CALD1: variants seen among roughly 807,000 people sequenced by gnomAD.
CALD1 encodes caldesmon 1.
A neutral mutation model predicts 99.9 loss-of-function variants in CALD1; 33 were observed. The observed-to-expected ratio is 0.33, with a 90% CI of 0.25 to 0.44. The LOEUF (loss-of-function observed/expected upper bound fraction) is 0.44, where lower values mean the gene tolerates loss of function less well. Ranked by LOEUF, CALD1 falls within the 20% of genes least tolerant of loss-of-function variation. CALD1 has a pLI of 1.00. For missense variants in CALD1, 861 were observed against 962.1 expected, an observed-to-expected ratio of 0.89 and a Z score of 1.39; for synonymous variants, 310 against 325.0, an observed-to-expected ratio of 0.95 and a Z score of 0.50.
At chr7:134,959,848 C>G in intron 11 of CALD1, 126 bp from the exon 12 acceptor site, 1 of 916,400 alleles carries the variant, frequency 1.1e-6, no homozygotes, top group East Asian at 2.5e-5. Flanking sequence ...TTATCACTCT[C>G]ATTTTTGGTG....
intron 7 of CALD1, among the ~76,000 whole-genome samples, chr7:134,946,666 C>T (rs1185159308): frequency 6.6e-6 from 1 of 151,370 alleles, no homozygotes; most frequent in Non-Finnish European, 1.5e-5. Context: ...ACAAGATCTC[C>T]TTCCTTTTTT....
At chr7:134,721,832 G>T in the CALD1 span, among the ~76,000 whole-genome samples, 1 of 152,160 alleles carries the variant, frequency 6.6e-6, no homozygotes, top group African/African-American at 2.4e-5. Context: ...GTCAGTACTT[G>T]AAGAATATTT....
At chr7:134,925,090 T>C (rs1426093857) in intron 3 of CALD1, among the ~76,000 whole-genome samples, 1 of 152,218 alleles carries the variant, frequency 6.6e-6, no homozygotes, top group Non-Finnish European at 1.5e-5. Flanking sequence ...AACGGACTAA[T>C]ACACTCTAGT....
intron 7 of CALD1, among the ~76,000 whole-genome samples, chr7:134,943,294 A>C (rs1322699914): frequency 1.4e-5 from 1 of 70,650 alleles, no homozygotes; most frequent in African/African-American, 5.4e-5. Context: ...GGACGGGGGT[A>C]GGGTGGTGGG....
At chr7:134,938,387 C>A (rs1438134210) in intron 6 of CALD1, among the ~76,000 whole-genome samples, 1 of 152,166 alleles carries the variant, frequency 6.6e-6, no homozygotes, top group Non-Finnish European at 1.5e-5. Flanking sequence ...ACCTCATCCC[C>A]ATGTATTATT....
At chr7:134,880,659 T>A (rs1801557137) in intron 3 of CALD1, among the ~76,000 whole-genome samples, 1 of 152,104 alleles carries the variant, frequency 6.6e-6, no homozygotes, top group Admixed American at 6.5e-5. Flanking sequence ...GGATCTAACA[T>A]TCCCTCACTA....
At chr7:134,828,513 T>A (rs1586047264) in intron 1 of CALD1, among the ~76,000 whole-genome samples, 1 of 152,178 alleles carries the variant, frequency 6.6e-6, no homozygotes, top group South Asian at 2.1e-4. Context: ...GCATCATCTG[T>A]TCCATAATTG....
chr7:134,794,150 T>C (rs940921410), intron 1 of CALD1, among the ~76,000 whole-genome samples: 3 of 152,156 alleles, frequency 2.0e-5, no homozygotes, highest in Admixed American at 6.5e-5. Flanking sequence ...TACAAGCTGC[T>C]TTGGGTCTCA....
intron 3 of CALD1, among the ~76,000 whole-genome samples, chr7:134,908,777 T>C (rs1485559395): frequency 2.0e-5 from 3 of 152,104 alleles, no homozygotes; most frequent in Non-Finnish European, 4.4e-5. Context: ...GGCCAGGCAG[T>C]TTTTCTTCCT....
chr7:134,797,003 A>T (rs1439643554), intron 1 of CALD1, among the ~76,000 whole-genome samples: 2 of 151,904 alleles, frequency 1.3e-5, no homozygotes, highest in Non-Finnish European at 2.9e-5. Flanking sequence ...CTTTTCCTCT[A>T]ATGTAGTAAG....
chr7:134,755,535 C>T (rs952795477), intron 1 of CALD1, among the ~76,000 whole-genome samples: 1 of 152,094 alleles, frequency 6.6e-6, no homozygotes, highest in African/African-American at 2.4e-5. Context: ...TATCTTTCTT[C>T]TTATTGATAT....
intron 3 of CALD1, among the ~76,000 whole-genome samples, chr7:134,904,821 G>A (rs565453251): frequency 2.0e-3 from 309 of 152,130 alleles, no homozygotes; most frequent in Middle Eastern, 0.01. Flanking sequence ...ACAGAAAAGG[G>A]GATTATCCTC....
At position 134,956,907 on chromosome 7, in the gene CALD1, T is replaced by C. The variant is rs1295817963; in HGVS notation, c.1936-1162T>C. 2.0e-5 allele frequency among the ~76,000 whole-genome samples: 3 copies of C among 152,330 alleles called. No individual in the cohort carries two copies. In the East Asian group the frequency reaches 5.8e-4, roughly 29 times the overall value. The stretch of plus-strand genomic sequence containing the variant: ...CATGGATTCAACAAATATTTGCTTA[T>C]TGCTAACATCTAAATTTAAGTGTTA... On this transcript the variant is annotated intron_variant, in intron 9 of 14. Transcript: ENST00000361675.
chr7:134,714,639 A>G, the CALD1 span, among the ~76,000 whole-genome samples: 1 of 152,234 alleles, frequency 6.6e-6, no homozygotes, highest in East Asian at 1.9e-4. Context: ...TGCACAATAG[A>G]GCTAGCTCAT....
chr7:134,928,328 C>T (rs2132897903), intron 3 of CALD1, among the ~76,000 whole-genome samples: 1 of 144,752 alleles, frequency 6.9e-6, no homozygotes, highest in East Asian at 2.2e-4. Flanking sequence ...GCTCGGGAGG[C>T]TGAGGTAGGA....
At chr7:134,848,284 C>T (rs983493871) in intron 2 of CALD1, among the ~76,000 whole-genome samples, 2 of 152,056 alleles carry the variant, frequency 1.3e-5, no homozygotes, top group African/African-American at 4.8e-5. Flanking sequence ...TCCTCCCTTT[C>T]GCTAATTCAA....
At chr7:134,941,451 G>A (rs945065803) in intron 7 of CALD1, among the ~76,000 whole-genome samples, 14 of 152,194 alleles carry the variant, frequency 9.2e-5, no homozygotes, top group Admixed American at 9.2e-4. Flanking sequence ...CGCTCAGACA[G>A]GGCTTAGTCT....
At chr7:134,767,333 G>A (rs1018718628) in intron 1 of CALD1, among the ~76,000 whole-genome samples, 1 of 151,876 alleles carries the variant, frequency 6.6e-6, no homozygotes, top group Non-Finnish European at 1.5e-5. Context: ...CCCAGTTATC[G>A]CCAGACGCAG....
chr7:134,822,790 T>C (rs908792223), intron 1 of CALD1, among the ~76,000 whole-genome samples: 4 of 152,240 alleles, frequency 2.6e-5, no homozygotes, highest in African/African-American at 7.2e-5. Context: ...TTTCATTCAT[T>C]GCATTTTTCT....
Sources: gnomAD v4.1 joint callset for allele counts (sites outside exome capture counted in the v4.1 genomes callset) on GRCh38, gnomAD v4.1.1 for gene constraint, MANE v1.5 for transcripts, NCBI Gene and HGNC (gene_info 2026-07-23, HGNC 2026-07-21) for gene names.